Variants in SORL1 observed in about 807,000 individuals in gnomAD.
The protein encoded by SORL1 is sortilin-related receptor.
SORL1 carries 127 observed loss-of-function variants against 273.7 expected under a neutral mutation model. The ratio of observed to expected loss-of-function variants is 0.46; its 90% CI spans 0.40 to 0.54. SORL1 has a LOEUF of 0.54. SORL1 is among the 20% of genes least tolerant of loss of function. The pLI is 0.00. For missense variants in SORL1, 2,494 were observed against 2,846.1 expected (o/e 0.88, Z 2.81); for synonymous variants, 1,031 against 1,067.4 (o/e 0.97, Z 0.66).
chr11:121,472,061 C>G (rs1267944131), intron 2 of SORL1, among the ~76,000 whole-genome samples: 1 of 152,182 alleles, frequency 6.6e-6, no homozygotes, highest in Non-Finnish European at 1.5e-5. Context: ...AGGAGGATCC[C>G]TTGAGCCAAG....
chr11:121,524,923 T>G (rs1380148599), intron 11 of SORL1, among the ~76,000 whole-genome samples: 1 of 152,160 alleles, frequency 6.6e-6, no homozygotes, highest in Non-Finnish European at 1.5e-5. Flanking sequence ...CTTTTTTTCT[T>G]TTTAAAATAA....
intron 6 of SORL1, among the ~76,000 whole-genome samples, chr11:121,509,838 C>T (rs1861849015): frequency 6.6e-6 from 1 of 152,176 alleles, no homozygotes; most frequent in Non-Finnish European, 1.5e-5. Flanking sequence ...TATAAATTCT[C>T]AGACTCTATA....
chr11:121,550,603 G>A lies in SORL1; in HGVS notation c.2199G>A (p.Gly733=). The change falls in exon 16 of 48, where the codon GGG becomes GGA. Residue 733 remains glycine, a synonymous_variant. Coordinates refer to ENST00000260197, the MANE Select transcript of SORL1 (RefSeq NM_003105.6). The surrounding 1 kb of genome is among the most constrained non-coding windows in gnomAD (Gnocchi z 5.3). The stretch of plus-strand genomic sequence containing the variant: ...GTGACAGCTACCGGAAGATTTCTGG[G>A]GACACTTGTAGCGGAGGAGATGTTG... ...RRTRGYRKIS[G]DTCSGGDVEA... 1 of 1,614,078 alleles carries A rather than the reference G, an allele frequency of 6.2e-7. No individual in the cohort carries two copies. Among genetic ancestry groups the A allele is most frequent in the Non-Finnish European group, 8.5e-7 (1 of 1,179,988 alleles).
chr11:121,524,721 C>G (rs1186051610), intron 11 of SORL1, among the ~76,000 whole-genome samples: 1 of 151,204 alleles, frequency 6.6e-6, no homozygotes, highest in African/African-American at 2.4e-5. Flanking sequence ...GCTTTTTTCT[C>G]TTTTTAAATA....
At chr11:121,473,105 A>G (rs1377351070) in intron 2 of SORL1, among the ~76,000 whole-genome samples, 3 of 152,224 alleles carry the variant, frequency 2.0e-5, no homozygotes, top group Admixed American at 2.0e-4. Flanking sequence ...TGCCTGATGT[A>G]AAAAGTTAAT....
At chr11:121,605,846 A>G (rs767156202) in intron 35 of SORL1, among the ~76,000 whole-genome samples, 5 of 152,098 alleles carry the variant, frequency 3.3e-5, no homozygotes, top group Non-Finnish European at 5.9e-5. Context: ...TTCCTCCTCT[A>G]GATATTTCCT....
rs202196981 is a variant in SORL1 at position 121,618,751 on chromosome 11, C to T, written c.5605-23C>T. On this transcript the variant is annotated intron_variant, in intron 41 of 47. Transcript: ENST00000260197. Reference sequence around the variant, plus strand: ...TCATCGGCCCATGAGCTGATGTCCTCTTCCATTCTCTGCTTTTACCAGGTT... The same window carrying T: ...TCATCGGCCCATGAGCTGATGTCCTTTTCCATTCTCTGCTTTTACCAGGTT... 1.9e-5 allele frequency: 31 copies of T among 1,613,942 alleles called. No individual in the cohort carries two copies. The African/African-American group carries it at 3.3e-4, about 17-fold the overall frequency.
rs979361377 is a variant in SORL1 at position 121,614,972 on chromosome 11, G to T, written c.5521G>T (p.Val1841Phe). The change falls in exon 41 of 48, where the codon GTT becomes TTT. Residue 1841 changes from valine to phenylalanine, a missense_variant. Transcript: ENST00000260197. ...LAFEHVMTRGVRPPAPSLKAK... is the reference protein window; with the variant it reads ...LAFEHVMTRGFRPPAPSLKAK... ...ATTTGAGCATGTTATGACCAGAGGGGTTCGCCCACCTGCACCTAGCCTCAA... is the reference window on the plus strand; with the variant it reads ...ATTTGAGCATGTTATGACCAGAGGGTTTCGCCCACCTGCACCTAGCCTCAA... 6.8e-6 allele frequency: 11 copies of T among 1,613,656 alleles called. No individual in the cohort carries two copies. The highest frequency in any genetic ancestry group is 1.7e-5 in the Admixed American group (1 of 59,928).
chr11:121,536,912 A>T (rs1458605976), intron 12 of SORL1, among the ~76,000 whole-genome samples: 2 of 152,136 alleles, frequency 1.3e-5, no homozygotes, highest in Non-Finnish European at 2.9e-5. Flanking sequence ...ACTGAAATAC[A>T]GTGAGGTATA....
chr11:121,549,091 C>T (rs1862472056), intron 14 of SORL1, among the ~76,000 whole-genome samples: 1 of 152,220 alleles, frequency 6.6e-6, no homozygotes, highest in Non-Finnish European at 1.5e-5. Flanking sequence ...TGCTGCCCTT[C>T]AAGCTGGGAG....
intron 2 of SORL1, among the ~76,000 whole-genome samples, chr11:121,471,367 T>C (rs2134783107): frequency 6.6e-6 from 1 of 152,312 alleles, no homozygotes; most frequent in South Asian, 2.1e-4. Context: ...TGTATAGTTT[T>C]TACAGACACC....
At chr11:121,594,330 C>G (rs926526659) in intron 31 of SORL1, among the ~76,000 whole-genome samples, 3 of 152,044 alleles carry the variant, frequency 2.0e-5, no homozygotes, top group African/African-American at 7.2e-5. Flanking sequence ...ATATTTCCCT[C>G]TCTGTTTTCT....
chr11:121,593,367 T>G (rs1464620904), intron 31 of SORL1, among the ~76,000 whole-genome samples: 1 of 152,236 alleles, frequency 6.6e-6, no homozygotes, highest in Non-Finnish European at 1.5e-5. Context: ...TGCCAATGCT[T>G]TCTGCCTTTC....
Position 121,606,766 on chromosome 11 carries a change from C to T in SORL1, c.4949-79C>T, listed in dbSNP as rs547261567. ...TGCCGGCTGTGGAGTCGTTCTTGTC[C>T]TTGTTCTAAGCCCAGGAAAATTCCT... is the stretch of plus-strand genomic sequence containing the variant. On this transcript the variant is annotated intron_variant, in intron 35 of 47. Coordinates refer to ENST00000260197, the MANE Select transcript of SORL1 (RefSeq NM_003105.6). The T allele has an allele frequency of 6.6e-6, 6 of 911,630 alleles. No homozygotes were observed. The South Asian group carries it at 6.8e-5, about 10-fold the overall frequency. 56.5% of individuals were successfully genotyped at this position (911,630 alleles called of 1,614,324 possible). A position where few individuals can be genotyped will look rare whatever the true frequency, so the allele number is the denominator to read the frequency against.
In SORL1 at chr11:121,549,947, A is replaced by C. The variant is rs773253063; in HGVS notation, c.2052-13A>C. ...AAAACCGTGGCCTTAACAAAGCCCA[A>C]TTGCCTTTTTAGTGACTTCGGTTTC... On this transcript the variant is annotated splice_polypyrimidine_tract_variant and intron_variant, in intron 14 of 47. Coordinates refer to ENST00000260197, the MANE Select transcript of SORL1 (RefSeq NM_003105.6). 5.0e-6 allele frequency: 8 copies of C among 1,612,720 alleles called. No individual in the cohort carries two copies. The highest frequency in any genetic ancestry group is 4.4e-5 in the South Asian group (4 of 90,994).
chr11:121,589,144 A>G (rs1467056526), intron 28 of SORL1, 115 bp from the exon 29 acceptor site: 3 of 1,178,338 alleles, frequency 2.5e-6, no homozygotes, highest in Non-Finnish European at 3.8e-6. Context: ...TGGTTTAGCC[A>G]GACAGTCCTT....
rs1463269008 is a variant in SORL1 at position 121,595,482 on chromosome 11, C to G, written c.4370-141C>G. ...ATTAGATGTCTGTATCTACTCTGCT[C>G]TCTATCCGGAACTCGCATTTGTCTT... is the stretch of plus-strand genomic sequence containing the variant. On this transcript the variant is annotated intron_variant, in intron 31 of 47. Coordinates refer to ENST00000260197, the MANE Select transcript of SORL1 (RefSeq NM_003105.6). The surrounding 1 kb of genome is among the most constrained non-coding windows in gnomAD (Gnocchi z 5.1). 3 of 747,824 alleles carry G rather than the reference C, an allele frequency of 4.0e-6. No individual in the cohort carries two copies. Among genetic ancestry groups the G allele is most frequent in the Non-Finnish European group, 4.4e-6 (2 of 450,642 alleles). The allele number at this position is 747,824 out of a possible 1,614,324, so 46.3% of individuals were successfully genotyped here. A position where few individuals can be genotyped will look rare whatever the true frequency, so the allele number is the denominator to read the frequency against.
rs762548519 is a variant in SORL1 at position 121,605,224 on chromosome 11, A to G, written c.4763A>G (p.Tyr1588Cys). Residue 1588 changes from tyrosine (Y) to cysteine (C), a missense_variant, in exon 34 of 48, where the codon TAT becomes TGT. Physicochemically the swap from Tyr to Cys is radical, Grantham distance 194. Transcript: ENST00000260197. ...AAAATGCCCTCTGCTTCTTGTGTAT[A>G]TAATGTCTACTACAGGTAGGTCCCA... ...PKKMPSASCV[Y>C]NVYYRVVGES... The G allele has an allele frequency of 1.2e-6, 2 of 1,613,036 alleles. No individual in the cohort carries two copies. Among genetic ancestry groups the G allele is most frequent in the Non-Finnish European group, 1.7e-6 (2 of 1,179,616 alleles).
chr11:121,472,512 G>T (rs1027040761), intron 2 of SORL1, among the ~76,000 whole-genome samples: 7 of 152,182 alleles, frequency 4.6e-5, no homozygotes, highest in African/African-American at 1.7e-4. Context: ...TGGTATTAGG[G>T]TGACCAACTT....
Sources: gnomAD v4.1 joint callset for allele counts (sites outside exome capture counted in the v4.1 genomes callset) on GRCh38, gnomAD v4.1.1 for gene constraint, Gnocchi (gnomAD v3.1) non-coding constraint, MANE v1.5 for transcripts, NCBI Gene and HGNC (gene_info 2026-07-23, HGNC 2026-07-21) for gene names.